The following NCOA6 variants were observed in gnomAD, a reference collection of about 807,000 sequenced individuals.
NCOA6 encodes nuclear receptor coactivator 6, also known as NRC RAP250.
In NCOA6, 49 loss-of-function variants were observed where a neutral mutation model predicts 171.4. That is an observed-to-expected ratio of 0.29 (90% CI 0.23 to 0.36). The LOEUF (loss-of-function observed/expected upper bound fraction) is 0.36, where lower values mean the gene tolerates loss of function less well. Among genes scored for constraint, NCOA6 ranks in the 10% least tolerant of loss-of-function variants. The pLI is 1.00. For missense variants in NCOA6, 2,248 were observed against 2,554.5 expected, an observed-to-expected ratio of 0.88 and a Z score of 2.59; for synonymous variants, 910 against 927.5, an observed-to-expected ratio of 0.98 and a Z score of 0.34.
Position 34,749,734 on chromosome 20 carries a change from C to T in NCOA6, c.2461G>A (p.Val821Ile). 1 of 1,614,194 alleles carries T rather than the reference C, an allele frequency of 6.2e-7. No individual in the cohort carries two copies. The highest frequency in any genetic ancestry group is 8.5e-7 in the Non-Finnish European group (1 of 1,179,994). ...ACCATGTTGGTTTGTTGAATGCTAACATCAGGCATCATCTGAGATAAACTG... is the reference window on the plus strand; with the variant it reads ...ACCATGTTGGTTTGTTGAATGCTAATATCAGGCATCATCTGAGATAAACTG... ...DVSLSQMMPD[V>I]SIQQTNMVPP... is the part of the protein sequence containing the mutation. Residue 821 changes from valine (V) to isoleucine (I), a missense_variant, in exon 9 of 15, where the codon GTT becomes ATT. By Grantham distance (29) the Val-to-Ile change is conservative. This residue lies in a region of NCOA6 where 987 missense variants were observed against 1,104.7 expected (regional missense o/e 0.89). Transcript: ENST00000359003.
Position 34,758,890 on chromosome 20 carries a change from C to T in NCOA6, c.558G>A (p.Pro186=), listed in dbSNP as rs143078359. The T allele has an allele frequency of 2.7e-4, 435 of 1,613,622 alleles. No individual in the cohort carries two copies. The highest frequency in any genetic ancestry group is 3.5e-4 in the Non-Finnish European group (414 of 1,179,904). Residue 186 remains proline (P), a synonymous_variant, in exon 6 of 15, where the codon CCG becomes CCA. Coordinates refer to ENST00000359003, the MANE Select transcript of NCOA6 (RefSeq NM_014071.5). ...TCATGGAAGATGACACATTTCCACC[C>T]GGGGGTATCATAACAGTGGCAGGGT... ...MNNPATVMIP[P]GGNVSSSMMA... is the part of the protein sequence containing the mutation.
At chr20:34,800,275 T>C (rs2078215337) in intron 1 of NCOA6, among the ~76,000 whole-genome samples, 1 of 151,846 alleles carries the variant, frequency 6.6e-6, no homozygotes, top group Non-Finnish European at 1.5e-5. Context: ...AAAATCACCT[T>C]CACTAAAAGA....
intron 2 of NCOA6, among the ~76,000 whole-genome samples, chr20:34,791,707 G>A (rs1428898075): frequency 6.6e-6 from 1 of 152,192 alleles, no homozygotes; most frequent in Non-Finnish European, 1.5e-5. Context: ...ATGACTGCTT[G>A]CCAGAGTAGT....
At chr20:34,738,888 T>G (rs765277516) in intron 11 of NCOA6, 5 of 455,964 alleles carry the variant, frequency 1.1e-5, no homozygotes, top group Non-Finnish European at 2.2e-5. Flanking sequence ...CTGCCTCTCC[T>G]CCTGGGTGCT....
intron 4 of NCOA6, among the ~76,000 whole-genome samples, chr20:34,769,870 C>A (rs1490980644): frequency 1.3e-5 from 2 of 152,164 alleles, no homozygotes; most frequent in East Asian, 3.9e-4. Context: ...TAAGAGAGCA[C>A]CACCTTGTGG....
At chr20:34,728,373 C>T (rs1159166867) in intron 13 of NCOA6, among the ~76,000 whole-genome samples, 2 of 152,302 alleles carry the variant, frequency 1.3e-5, no homozygotes, top group African/African-American at 4.8e-5. Flanking sequence ...ACATACACTC[C>T]TAACTGGAGT....
chr20:34,763,843 T>C (rs2076889623), intron 5 of NCOA6, among the ~76,000 whole-genome samples: 1 of 152,114 alleles, frequency 6.6e-6, no homozygotes, highest in South Asian at 2.1e-4. Flanking sequence ...TCCTAATCTA[T>C]CTTTCACTGA....
chr20:34,758,832 T>C lies in NCOA6; in HGVS notation c.616A>G (p.Arg206Gly). The C allele has an allele frequency of 6.2e-7, 1 of 1,613,090 alleles. No homozygotes were observed. The highest frequency in any genetic ancestry group is 1.1e-5 in the South Asian group (1 of 90,790). The change falls in exon 6 of 15, where the codon AGG becomes GGG. Residue 206 changes from arginine (R) to glycine (G), a missense_variant. Transcript: ENST00000359003. ...GACTGAGAAGCAGGGCGAGGAGTCCTGGGCTGCAGCTCTGGATTGGGGCCT... is the reference window on the plus strand; with the variant it reads ...GACTGAGAAGCAGGGCGAGGAGTCCCGGGCTGCAGCTCTGGATTGGGGCCT... ...APGPNPELQPRTPRPASQSDA... is the reference protein window; with the variant it reads ...APGPNPELQPGTPRPASQSDA...
At chr20:34,732,050 T>C (rs2075800553) in intron 13 of NCOA6, among the ~76,000 whole-genome samples, 2 of 152,166 alleles carry the variant, frequency 1.3e-5, no homozygotes, top group Non-Finnish European at 2.9e-5. Context: ...TGGAAAATGG[T>C]AATATTCCTC....
At chr20:34,814,220 T>A (rs1341307173) in intron 1 of NCOA6, among the ~76,000 whole-genome samples, 5 of 151,936 alleles carry the variant, frequency 3.3e-5, no homozygotes, top group Non-Finnish European at 7.4e-5. Context: ...ATGCCTGTAA[T>A]CCTAGCTACT....
At chr20:34,772,847 G>A (rs906407865) in intron 4 of NCOA6, among the ~76,000 whole-genome samples, 8 of 152,132 alleles carry the variant, frequency 5.3e-5, no homozygotes, top group Admixed American at 2.6e-4. Context: ...TGCAACAGCT[G>A]AGTGAAAAGC....
intron 2 of NCOA6, among the ~76,000 whole-genome samples, chr20:34,789,551 C>T (rs1020278669): frequency 2.0e-5 from 3 of 152,186 alleles, no homozygotes; most frequent in Middle Eastern, 3.4e-3. Context: ...GGTGGGCAGA[C>T]GGCTTGAGCT....
intron 2 of NCOA6, among the ~76,000 whole-genome samples, chr20:34,783,142 A>C (rs6088603): frequency 6.6e-6 from 1 of 151,924 alleles, no homozygotes; most frequent in Non-Finnish European, 1.5e-5. Context: ...TAAGCTGGAC[A>C]TGGTGGTGTA....
Position 34,749,899 on chromosome 20 carries a change from T to C in NCOA6, c.2296A>G (p.Met766Val), listed in dbSNP as rs148627295. Residue 766 changes from methionine to valine, a missense_variant, in exon 9 of 15, where the codon ATG becomes GTG. Met to Val is a conservative substitution (Grantham distance 21, BLOSUM62 1). This residue lies in a region of NCOA6 where 987 missense variants were observed against 1,104.7 expected (regional missense o/e 0.89). Transcript: ENST00000359003. ...VQFTGQMSGQ[M>V]LPQQGPVNNS... is the part of the protein sequence containing the mutation. ...TTCACAGGCCCTTGCTGGGGCAGCA[T>C]CTGTCCTGACATCTGTCCCGTAAAC... is the stretch of plus-strand genomic sequence containing the variant. 4 of 1,614,214 alleles carry C rather than the reference T, an allele frequency of 2.5e-6. No individual in the cohort carries two copies. Among genetic ancestry groups the C allele is most frequent in the Non-Finnish European group, 3.4e-6 (4 of 1,180,026 alleles).
Position 34,757,571 on chromosome 20 carries a change from T to C in NCOA6, c.1177A>G (p.Met393Val), listed in dbSNP as rs1383688079. 2 of 1,613,956 alleles carry C rather than the reference T, an allele frequency of 1.2e-6. No homozygotes were observed. The highest frequency in any genetic ancestry group is 2.2e-5 in the South Asian group (2 of 91,082). The change falls in exon 7 of 15, where the codon ATG (methionine) becomes GTG (valine). Residue 393 changes from methionine (M) to valine (V), a missense_variant. Coordinates refer to ENST00000359003, the MANE Select transcript of NCOA6 (RefSeq NM_014071.5). ...ASQAHTNFPQ[M>V]SNPGQFTAPQ... Reference sequence around the variant, plus strand: ...GCTGTGAACTGGCCTGGGTTGCTCATCTGAGGAAAGTTTGTGTGGGCTTGT... The same window carrying C: ...GCTGTGAACTGGCCTGGGTTGCTCACCTGAGGAAAGTTTGTGTGGGCTTGT...
intron 13 of NCOA6, among the ~76,000 whole-genome samples, chr20:34,729,670 C>T (rs1990375851): frequency 6.6e-6 from 1 of 152,172 alleles, no homozygotes; most frequent in Non-Finnish European, 1.5e-5. Flanking sequence ...CAGTCTTTAT[C>T]TGGCATTCTA....
chr20:34,764,806 TAGAC>T (rs1448042369), intron 5 of NCOA6, among the ~76,000 whole-genome samples: 2 of 152,002 alleles, frequency 1.3e-5, no homozygotes, highest in East Asian at 1.9e-4. Context: ...AGATGGTAGT[TAGAC>T]AGTTAAGAAA....
chr20:34,787,526 T>TA lies in NCOA6; in HGVS notation c.-50+4923dup, dbSNP rs201010544. 4.9e-3 allele frequency among the ~76,000 whole-genome samples: 684 copies of TA among 138,394 alleles called. 9 individuals are homozygous for TA. The highest frequency in any genetic ancestry group is 0.026 in the South Asian group (115 of 4,396). The allele number at this position is 138,394 out of a possible 152,430, so 90.8% of individuals were successfully genotyped here. On this transcript the variant is annotated intron_variant, in intron 2 of 14. Transcript: ENST00000359003. The stretch of plus-strand genomic sequence containing the variant: ...GGGTAAGAGAGCAAGTTCCCGCTCT[T>TA]AAAAAAAAAAAAAAAATTAAAAGAG...
chr20:34,776,147 C>A, intron 4 of NCOA6, 146 bp downstream of exon 4: 1 of 1,045,192 alleles, frequency 9.6e-7, no homozygotes, highest in Non-Finnish European at 1.4e-6. Context: ...TCCTAAGGTG[C>A]TGCAAAGCAA....
Sources: allele counts gnomAD v4.1 joint callset (sites outside exome capture counted in the v4.1 genomes callset), GRCh38; gene constraint gnomAD v4.1.1; regional missense constraint gnomAD v4.1.1; transcripts MANE v1.5; gene names NCBI Gene and HGNC (gene_info 2026-07-23, HGNC 2026-07-21).